Variants in SCFD1 observed in about 807,000 individuals in gnomAD.
SCFD1 encodes the protein sec1 family domain-containing protein 1.
Under a neutral mutation model 103.2 loss-of-function variants are expected in SCFD1, and 37 were observed. The observed-to-expected ratio is 0.36, with a 90% CI of 0.28 to 0.47. SCFD1 has a LOEUF of 0.47. Among genes scored for constraint, SCFD1 ranks in the 20% least tolerant of loss-of-function variants. SCFD1 has a pLI of 1.00. For missense variants in SCFD1, 639 were observed against 761.2 expected, an observed-to-expected ratio of 0.84 and a Z score of 1.89; for synonymous variants, 264 against 245.0, an observed-to-expected ratio of 1.08 and a Z score of -0.73.
intron 19 of SCFD1, among the ~76,000 whole-genome samples, chr14:30,714,747 G>A (rs1158209645): frequency 1.3e-5 from 2 of 152,092 alleles, no homozygotes; most frequent in Non-Finnish European, 2.9e-5. Flanking sequence ...GAATGTTTTT[G>A]TTGTATGAAG....
intron 18 of SCFD1, among the ~76,000 whole-genome samples, chr14:30,706,462 G>T (rs189719352): frequency 1.3e-5 from 2 of 151,914 alleles, no homozygotes; most frequent in Non-Finnish European, 2.9e-5. Flanking sequence ...TCTTCTCGAT[G>T]GTTTTTATTC....
intron 10 of SCFD1, among the ~76,000 whole-genome samples, chr14:30,668,158 G>T (rs1888190707): frequency 6.6e-6 from 1 of 152,102 alleles, no homozygotes; most frequent in South Asian, 2.1e-4. Context: ...ATACTACAAG[G>T]CTACAGTAAC....
chr14:30,673,327 A>G lies in SCFD1; in HGVS notation c.1066A>G (p.Lys356Glu). 6.4e-7 allele frequency: 1 copy of G among 1,565,198 alleles called. No homozygotes were observed. The highest frequency in any genetic ancestry group is 8.8e-7 in the Non-Finnish European group (1 of 1,141,702). The change falls in exon 12 of 25, where the codon AAA (lysine) becomes GAA (glutamate). Residue 356 changes from lysine to glutamate, a missense_variant. Coordinates refer to ENST00000458591, the MANE Select transcript of SCFD1 (RefSeq NM_016106.4). ...TTACAGAGCACAGGAAGATGAGGTC[A>G]AACGACTTAAAAGCATTATGGTAAG... ...ESYRAQEDEV[K>E]RLKSIMGLEG...
intron 20 of SCFD1, 93 bp from the exon 21 acceptor site, chr14:30,719,231 AT>A: frequency 1.3e-6 from 1 of 771,566 alleles, no homozygotes; most frequent in Admixed American, 2.3e-5. Context: ...ATTCTACAAA[AT>A]TGATAGATTC....
chr14:30,678,312 G>T (rs530432395), intron 14 of SCFD1, among the ~76,000 whole-genome samples: 4 of 152,254 alleles, frequency 2.6e-5, no homozygotes, highest in African/African-American at 9.6e-5. Context: ...AATCCTGGCA[G>T]TTACCCCGCA....
intron 19 of SCFD1, among the ~76,000 whole-genome samples, chr14:30,713,491 C>G (rs910926120): frequency 6.6e-6 from 1 of 152,108 alleles, no homozygotes; most frequent in African/African-American, 2.4e-5. Context: ...ACTTAATGAC[C>G]TATTTGGCAG....
chr14:30,710,409 A>G (rs1043607696), intron 19 of SCFD1, among the ~76,000 whole-genome samples: 2 of 150,378 alleles, frequency 1.3e-5, no homozygotes, highest in African/African-American at 4.9e-5. Context: ...TTCATTTTAT[A>G]TTATCATCAA....
chr14:30,646,280 C>T (rs1467633113), intron 7 of SCFD1, among the ~76,000 whole-genome samples: 1 of 152,172 alleles, frequency 6.6e-6, no homozygotes, highest in East Asian at 1.9e-4. Context: ...CTCGGCCTCC[C>T]AAAGTGCTGG....
At chr14:30,713,217 T>G (rs550470006) in intron 19 of SCFD1, among the ~76,000 whole-genome samples, 1 of 152,250 alleles carries the variant, frequency 6.6e-6, no homozygotes, top group Non-Finnish European at 1.5e-5. Flanking sequence ...AAGTACTCTT[T>G]CCTACGTTTT....
At chr14:30,716,021 C>G in intron 20 of SCFD1, 44 bp downstream of exon 20, 1 of 1,048,014 alleles carries the variant, frequency 9.5e-7, no homozygotes, top group Non-Finnish European at 1.5e-6. Flanking sequence ...CCGAATGTGT[C>G]AAACTGACTA....
intron 21 of SCFD1, 96 bp from the exon 22 acceptor site, chr14:30,721,788 T>C (rs1212832675): frequency 1.4e-5 from 14 of 1,001,224 alleles, no homozygotes; most frequent in Non-Finnish European, 2.2e-5. Flanking sequence ...TTGTAAATAC[T>C]TACCTAATAG....
intron 14 of SCFD1, among the ~76,000 whole-genome samples, chr14:30,684,799 G>GTTTTT (rs1889820677): frequency 1.3e-4 from 5 of 38,302 alleles, no homozygotes; most frequent in South Asian, 7.5e-4. Context: ...TGTTGCAATT[G>GTTTTT]TTTCTTTTTT....
At chr14:30,703,964 A>ATATATATATAT (rs1182473460) in intron 17 of SCFD1, among the ~76,000 whole-genome samples, 1 of 35,148 alleles carries the variant, frequency 2.8e-5, no homozygotes, top group Non-Finnish European at 4.5e-5. Flanking sequence ...TATATATATA[A>ATATATATATAT]ATAATGAGAT....
At chr14:30,649,937 A>G (rs748390768) in intron 8 of SCFD1, among the ~76,000 whole-genome samples, 4 of 152,214 alleles carry the variant, frequency 2.6e-5, no homozygotes, top group Admixed American at 6.5e-5. Flanking sequence ...ATTACTAATC[A>G]TAACCATTTT....
At chr14:30,674,637 C>A (rs1354852326) in intron 13 of SCFD1, among the ~76,000 whole-genome samples, 1 of 145,942 alleles carries the variant, frequency 6.9e-6, no homozygotes, top group South Asian at 2.1e-4. Flanking sequence ...GACAGAGACT[C>A]TGTCTCAAAA....
chr14:30,728,425 T>G (rs1335936653), intron 23 of SCFD1, among the ~76,000 whole-genome samples: 1 of 152,198 alleles, frequency 6.6e-6, no homozygotes, highest in Non-Finnish European at 1.5e-5. Flanking sequence ...TTGTTTCTGC[T>G]GCGGCCTCTA....
In SCFD1 at chr14:30,639,827, A is replaced by G; in HGVS notation, c.486A>G (p.Val162=). The part of the protein sequence containing the change: ...NFITLEDDMF[V]LCNQNKELVS... ...TTACTTTGGAAGATGATATGTTTGT[A>G]TTATGTAATCAAAATAAGGAGCTTG... The change falls in exon 6 of 25, where the codon GTA becomes GTG. Residue 162 remains valine (V), a synonymous_variant. Coordinates refer to ENST00000458591, the MANE Select transcript of SCFD1 (RefSeq NM_016106.4). 6.3e-7 allele frequency: 1 copy of G among 1,582,094 alleles called. No homozygotes were observed. The highest frequency in any genetic ancestry group is 8.6e-7 in the Non-Finnish European group (1 of 1,164,570).
At chr14:30,628,442 A>C (rs1240916490) in intron 2 of SCFD1, among the ~76,000 whole-genome samples, 163 bp downstream of exon 2, 1 of 152,224 alleles carries the variant, frequency 6.6e-6, no homozygotes, top group Non-Finnish European at 1.5e-5. Context: ...GTTTTGACAG[A>C]CATTCTATGG....
intron 7 of SCFD1, 119 bp from the exon 8 acceptor site, chr14:30,649,409 G>T: frequency 3.0e-6 from 2 of 663,964 alleles, no homozygotes; most frequent in South Asian, 1.9e-5. Flanking sequence ...ACATAAAATC[G>T]TGTGTAACGT....
Sources: allele counts gnomAD v4.1 joint callset (sites outside exome capture counted in the v4.1 genomes callset), GRCh38; gene constraint gnomAD v4.1.1; transcripts MANE v1.5; gene names NCBI Gene and HGNC (gene_info 2026-07-23, HGNC 2026-07-21).